Variants in SUCLG2 observed in about 807,000 individuals in gnomAD.
The protein encoded by SUCLG2 is succinate--CoA ligase [GDP-forming] subunit beta, mitochondrial.
SUCLG2 carries 42 observed loss-of-function variants against 47.9 expected under a neutral mutation model. That is an observed-to-expected ratio of 0.88 (90% CI 0.69 to 1.14). SUCLG2 has a LOEUF of 1.14. SUCLG2 is among the 50% of genes most tolerant of loss of function. The pLI, the probability that SUCLG2 is intolerant of heterozygous loss-of-function variation, is 0.00. For synonymous variants in SUCLG2, 195 were observed against 197.3 expected, an observed-to-expected ratio of 0.99 and a Z score of 0.10; for missense variants, 571 against 525.9, an observed-to-expected ratio of 1.09 and a Z score of -0.84.
In SUCLG2 at chr3:67,495,803, G is replaced by A; in HGVS notation, c.1057C>T (p.Pro353Ser). 6.2e-7 allele frequency: 1 copy of A among 1,613,696 alleles called. No individual in the cohort carries two copies. The highest frequency in any genetic ancestry group is 8.5e-7 in the Non-Finnish European group (1 of 1,179,946). The change falls in exon 9 of 11, where the codon CCT (proline) becomes TCT (serine). Residue 353 changes from proline (P) to serine (S), a missense_variant. Physicochemically the swap from Pro to Ser is moderately conservative, Grantham distance 74. Coordinates refer to ENST00000307227, the MANE Select transcript of SUCLG2 (RefSeq NM_003848.4). ...CCTACAAAGAGAAAGGTTACCTTAG[G>A]ATCAGCTGTGAGCAATTTGAATGCT... ...YQAFKLLTAD[P>S]KVEAILVNIF...
chr3:67,556,208 G>T (rs955802761), intron 2 of SUCLG2, among the ~76,000 whole-genome samples: 1 of 152,254 alleles, frequency 6.6e-6, no homozygotes, highest in South Asian at 2.1e-4. Context: ...TGAAATCCTG[G>T]GTCAGAAAAG....
chr3:67,426,823 G>C (rs1237174483), intron 9 of SUCLG2, among the ~76,000 whole-genome samples: 1 of 152,106 alleles, frequency 6.6e-6, no homozygotes, highest in Non-Finnish European at 1.5e-5. Flanking sequence ...AACTACCTGG[G>C]AGGCTGAGGA....
intron 4 of SUCLG2, among the ~76,000 whole-genome samples, chr3:67,523,256 G>GA (rs1706167419): frequency 6.6e-6 from 1 of 152,142 alleles, no homozygotes; most frequent in African/African-American, 2.4e-5. Flanking sequence ...AATGAATATA[G>GA]AACTCCTCTT....
At chr3:67,377,801 A>G (rs894540491) in intron 10 of SUCLG2, among the ~76,000 whole-genome samples, 1 of 152,126 alleles carries the variant, frequency 6.6e-6, no homozygotes, top group Non-Finnish European at 1.5e-5. Context: ...CTAAAGGCAC[A>G]CATCACCACG....
At chr3:67,563,803 CA>C (rs1179584131) in intron 2 of SUCLG2, among the ~76,000 whole-genome samples, 1 of 150,890 alleles carries the variant, frequency 6.6e-6, no homozygotes, top group East Asian at 1.9e-4. Flanking sequence ...ACTAAAAATA[CA>C]AAAAAAATTA....
At chr3:67,511,616 C>T (rs528043957) in intron 6 of SUCLG2, among the ~76,000 whole-genome samples, 9 of 152,192 alleles carry the variant, frequency 5.9e-5, no homozygotes, top group Non-Finnish European at 1.0e-4. Context: ...GTAAATTAAA[C>T]CTCTTTCCTT....
chr3:67,478,169 C>T (rs1328684655), intron 9 of SUCLG2, among the ~76,000 whole-genome samples: 1 of 152,142 alleles, frequency 6.6e-6, no homozygotes, highest in Non-Finnish European at 1.5e-5. Context: ...GTGGGAGAGG[C>T]CACTTAACCG....
intron 1 of SUCLG2, among the ~76,000 whole-genome samples, chr3:67,634,604 T>A (rs1700978198): frequency 6.6e-6 from 1 of 152,176 alleles, no homozygotes; most frequent in South Asian, 2.1e-4. Context: ...AGTAAACCAT[T>A]GCCTACAGAA....
chr3:67,432,297 C>G (rs961416888), intron 9 of SUCLG2, among the ~76,000 whole-genome samples: 5 of 152,168 alleles, frequency 3.3e-5, no homozygotes, highest in African/African-American at 1.2e-4. Flanking sequence ...TTATACTAGA[C>G]TAAGAAGCTT....
chr3:67,600,376 C>T (rs2107295973), intron 2 of SUCLG2, among the ~76,000 whole-genome samples: 1 of 152,286 alleles, frequency 6.6e-6, no homozygotes, highest in Non-Finnish European at 1.5e-5. Flanking sequence ...TGGTGAGTGC[C>T]TCATTTGTGT....
chr3:67,610,447 T>C (rs1700507815), intron 1 of SUCLG2, among the ~76,000 whole-genome samples: 1 of 152,002 alleles, frequency 6.6e-6, no homozygotes, highest in Non-Finnish European at 1.5e-5. Flanking sequence ...TTCCTTACAT[T>C]TTATCCAATA....
At chr3:67,523,499 T>C (rs1004556715) in intron 4 of SUCLG2, among the ~76,000 whole-genome samples, 8 of 152,310 alleles carry the variant, frequency 5.3e-5, no homozygotes, top group Admixed American at 4.6e-4. Flanking sequence ...AAACCGTAAA[T>C]TCTTTCAGAA....
chr3:67,585,453 T>C (rs183241201), intron 2 of SUCLG2, among the ~76,000 whole-genome samples: 1 of 152,310 alleles, frequency 6.6e-6, no homozygotes, highest in East Asian at 1.9e-4. Flanking sequence ...TGAAAAATGA[T>C]GGCACTGTAA....
chr3:67,375,421 A>C lies in SUCLG2; in HGVS notation c.*323T>G. The C allele has an allele frequency of 5.9e-6, 6 of 1,012,048 alleles. No homozygotes were observed. The highest frequency in any genetic ancestry group is 7.1e-6 in the Non-Finnish European group (6 of 847,782). The allele number at this position is 1,012,048 out of a possible 1,614,324, so 62.7% of individuals were successfully genotyped here. On this transcript the variant is annotated 3_prime_UTR_variant, in exon 11 of 11. Coordinates refer to ENST00000307227, the MANE Select transcript of SUCLG2 (RefSeq NM_003848.4). Reference sequence around the variant, plus strand: ...CCAAAATTCTTGTAAATGAAGCAGGACTTGATTTCAAATTCTGTCTATACA... The same window carrying C: ...CCAAAATTCTTGTAAATGAAGCAGGCCTTGATTTCAAATTCTGTCTATACA...
chr3:67,476,175 A>G (rs941905714), intron 9 of SUCLG2, among the ~76,000 whole-genome samples: 2 of 152,072 alleles, frequency 1.3e-5, no homozygotes, highest in African/African-American at 4.8e-5. Context: ...CCTAATCCCC[A>G]AGCCATGGAC....
chr3:67,621,741 G>T (rs1207994598), intron 1 of SUCLG2, among the ~76,000 whole-genome samples: 1 of 152,092 alleles, frequency 6.6e-6, no homozygotes, highest in Admixed American at 6.5e-5. Context: ...TGCAGAAGAG[G>T]TCTCATCAGC....
intron 2 of SUCLG2, among the ~76,000 whole-genome samples, chr3:67,551,586 G>C (rs915092194): frequency 6.6e-6 from 1 of 152,180 alleles, no homozygotes; most frequent in Non-Finnish European, 1.5e-5. Context: ...ATCCAGCCCT[G>C]TGGCAGCCTG....
intron 1 of SUCLG2, among the ~76,000 whole-genome samples, chr3:67,632,083 G>C (rs1214826705): frequency 6.6e-6 from 1 of 152,126 alleles, no homozygotes; most frequent in Non-Finnish European, 1.5e-5. Flanking sequence ...TTATCTCTAA[G>C]ACTTCAAAGC....
At chr3:67,528,293 G>A in intron 3 of SUCLG2, 71 bp from the exon 4 acceptor site, 9 of 1,370,350 alleles carry the variant, frequency 6.6e-6, no homozygotes, top group Non-Finnish European at 9.3e-6. Flanking sequence ...TCCTTACACA[G>A]AGCCTCATGT....
Sources: allele counts gnomAD v4.1 joint callset (sites outside exome capture counted in the v4.1 genomes callset), GRCh38; gene constraint gnomAD v4.1.1; transcripts MANE v1.5; gene names NCBI Gene and HGNC (gene_info 2026-07-23, HGNC 2026-07-21).